Variants in SWT1 observed in about 807,000 individuals in gnomAD.
The protein encoded by SWT1 is transcriptional protein SWT1.
A neutral mutation model predicts 107.3 loss-of-function variants in SWT1; 33 were observed. The observed-to-expected ratio is 0.31, with a 90% confidence interval of 0.23 to 0.41. The LOEUF (loss-of-function observed/expected upper bound fraction) is 0.41. Among genes scored for constraint, SWT1 ranks in the 10% least tolerant of loss-of-function variants. The pLI, the probability that SWT1 is intolerant of heterozygous loss-of-function variation, is 1.00. For synonymous variants in SWT1, 345 were observed against 348.3 expected (o/e 0.99, Z 0.11); for missense variants, 898 against 1,028.9 (o/e 0.87, Z 1.74).
chr1:185,250,093 C>G (rs1661898119), intron 16 of SWT1, among the ~76,000 whole-genome samples: 1 of 152,130 alleles, frequency 6.6e-6, no homozygotes, highest in Non-Finnish European at 1.5e-5. Flanking sequence ...CCTTGGGCTC[C>G]CTTTGAACCT....
At chr1:185,223,010 C>G (rs1659788360) in intron 15 of SWT1, among the ~76,000 whole-genome samples, 1 of 152,178 alleles carries the variant, frequency 6.6e-6, no homozygotes, top group African/African-American at 2.4e-5. Flanking sequence ...ACAGCAGACA[C>G]AGGAGTGCAG....
chr1:185,249,413 T>G (rs1398783486), intron 16 of SWT1, among the ~76,000 whole-genome samples: 1 of 152,160 alleles, frequency 6.6e-6, no homozygotes, highest in Non-Finnish European at 1.5e-5. Context: ...AAATACAGTC[T>G]GCCTTCTGGT....
At chr1:185,265,307 C>G (rs1663294091) in intron 16 of SWT1, among the ~76,000 whole-genome samples, 1 of 151,960 alleles carries the variant, frequency 6.6e-6, no homozygotes, top group South Asian at 2.1e-4. Flanking sequence ...TTTTCAAAAT[C>G]TAGGACTGAT....
chr1:185,226,269 T>C lies in SWT1; in HGVS notation c.2309+4233T>C, dbSNP rs547923312. ...AGCATTTCAGCAAGACAAAAATGCT[T>C]ATATTGCCTTATTAATACATATTTA... On this transcript the variant is annotated intron_variant, in intron 15 of 18. Transcript: ENST00000367500. 2.6e-5 allele frequency among the ~76,000 whole-genome samples: 4 copies of C among 152,326 alleles called. No homozygotes were observed. The East Asian group carries it at 7.7e-4, about 29-fold the overall frequency.
chr1:185,265,145 ATGTAATTAG>A (rs1175192291), intron 16 of SWT1, among the ~76,000 whole-genome samples: 1 of 152,174 alleles, frequency 6.6e-6, no homozygotes, highest in Non-Finnish European at 1.5e-5. Context: ...TAATAGTTAT[ATGTAATTAG>A]TATAGTTAAC....
intron 11 of SWT1, among the ~76,000 whole-genome samples, chr1:185,203,013 T>A (rs1658009836): frequency 6.6e-6 from 1 of 152,250 alleles, no homozygotes. Flanking sequence ...TATGTACTTT[T>A]ACAAATTAAT....
chr1:185,289,049 C>G (rs1665106535), intron 18 of SWT1, among the ~76,000 whole-genome samples: 1 of 152,222 alleles, frequency 6.6e-6, no homozygotes, highest in African/African-American at 2.4e-5. Flanking sequence ...CCTTACCCCT[C>G]TCAAGTATCT....
At chr1:185,207,434 A>T (rs1039562408) in intron 13 of SWT1, among the ~76,000 whole-genome samples, 1 of 152,204 alleles carries the variant, frequency 6.6e-6, no homozygotes, top group Non-Finnish European at 1.5e-5. Context: ...AGCTTTTAAA[A>T]ATTTCTTTAT....
At chr1:185,166,537 C>CT (rs1558005309) in intron 2 of SWT1, 35 bp from the exon 3 acceptor site, 1 of 1,405,764 alleles carries the variant, frequency 7.1e-7, no homozygotes, top group East Asian at 2.3e-5. Flanking sequence ...TTATTTTGTG[C>CT]TTTTTAAAAT....
intron 16 of SWT1, among the ~76,000 whole-genome samples, chr1:185,266,154 G>A (rs564387907): frequency 1.3e-5 from 2 of 151,948 alleles, no homozygotes; most frequent in African/African-American, 4.8e-5. Context: ...AGCTCCGCCT[G>A]CCGGGTTCAC....
chr1:185,208,209 A>G (rs1477884831), intron 13 of SWT1, among the ~76,000 whole-genome samples: 1 of 152,176 alleles, frequency 6.6e-6, no homozygotes, highest in African/African-American at 2.4e-5. Context: ...TAAAATCTTC[A>G]TAGAAGCTAG....
In SWT1 at chr1:185,180,184, TA is replaced by T. The variant is rs1236381496; in HGVS notation, c.967-198del. Among the ~76,000 whole-genome samples, 4 of 151,186 alleles carry T rather than the reference TA, an allele frequency of 2.6e-5. No homozygotes were observed. The East Asian group carries it at 7.7e-4, about 29-fold the overall frequency. The stretch of plus-strand genomic sequence containing the variant: ...GGGTGACAGAGTGAGACCCTGTCTT[TA>T]AAAAAAAAGTTTGGGAGTAGGGGTA... On this transcript the variant is annotated intron_variant, in intron 5 of 18. Transcript: ENST00000367500.
At chr1:185,274,616 A>T (rs1017123983) in intron 17 of SWT1, among the ~76,000 whole-genome samples, 2 of 152,098 alleles carry the variant, frequency 1.3e-5, no homozygotes, top group Non-Finnish European at 2.9e-5. Context: ...CCTTTTCTTG[A>T]ATTTTTTAAT....
intron 16 of SWT1, among the ~76,000 whole-genome samples, chr1:185,250,914 C>T (rs756433456): frequency 5.9e-5 from 9 of 152,154 alleles, no homozygotes; most frequent in Admixed American, 2.6e-4. Context: ...CTGGCCTCCT[C>T]GGCCTCCCAA....
intron 9 of SWT1, among the ~76,000 whole-genome samples, chr1:185,190,176 G>A (rs1043028918): frequency 9.2e-5 from 14 of 152,152 alleles, no homozygotes; most frequent in Non-Finnish European, 2.9e-5. Flanking sequence ...GAGTTTTTGA[G>A]AGTAGTTTTA....
intron 11 of SWT1, 109 bp from the exon 12 acceptor site, chr1:185,204,591 A>T (rs963272586): frequency 8.5e-6 from 4 of 469,084 alleles, no homozygotes; most frequent in Middle Eastern, 6.1e-4. Context: ...TTTTATATAT[A>T]ATTAAAATAT....
chr1:185,171,979 ACT>A (rs1655112434), intron 4 of SWT1, among the ~76,000 whole-genome samples: 1 of 151,660 alleles, frequency 6.6e-6, no homozygotes, highest in Admixed American at 6.6e-5. Context: ...TCCTATAAAA[ACT>A]CTGTTTATGG....
intron 16 of SWT1, among the ~76,000 whole-genome samples, chr1:185,261,141 A>C (rs1012955077): frequency 1.3e-5 from 2 of 152,154 alleles, no homozygotes; most frequent in Non-Finnish European, 2.9e-5. Flanking sequence ...TTCATCTCGT[A>C]AAACTGAAAC....
chr1:185,275,451 AAAT>A (rs1264016426), intron 17 of SWT1, among the ~76,000 whole-genome samples: 1 of 148,552 alleles, frequency 6.7e-6, no homozygotes, highest in African/African-American at 2.4e-5. Flanking sequence ...TTATATAATT[AAAT>A]AATACTAAAT....
Sources: gnomAD v4.1 joint callset for allele counts (sites outside exome capture counted in the v4.1 genomes callset) on GRCh38, gnomAD v4.1.1 for gene constraint, MANE v1.5 for transcripts, NCBI Gene and HGNC (gene_info 2026-07-23, HGNC 2026-07-21) for gene names.